PACRG: variants seen among roughly 807,000 people sequenced by gnomAD.
PACRG encodes the protein parkin coregulated gene protein.
Under a neutral mutation model 29.7 loss-of-function variants are expected in PACRG, and 29 were observed. That is an observed-to-expected ratio of 0.98 (90% confidence interval 0.73 to 1.33). The LOEUF is 1.33. Among genes scored for constraint, PACRG ranks in the 40% most tolerant of loss-of-function variants. The probability of loss-of-function intolerance (pLI) is 0.00; values close to 1 mark genes in which losing one functional copy is unlikely to be tolerated. For synonymous variants in PACRG, 116 were observed against 118.7 expected (o/e 0.98, Z 0.15); for missense variants, 279 against 316.2 (o/e 0.88, Z 0.89).
intron 4 of PACRG, among the ~76,000 whole-genome samples, chr6:163,301,759 G>A (rs749759716): frequency 7.2e-5 from 11 of 152,202 alleles, no homozygotes; most frequent in Non-Finnish European, 1.6e-4. Flanking sequence ...AGACAAAATA[G>A]CAGCTGCAGT....
At chr6:162,893,016 C>T (rs1041069493) in intron 2 of PACRG, among the ~76,000 whole-genome samples, 15 of 150,906 alleles carry the variant, frequency 9.9e-5, no homozygotes, top group Non-Finnish European at 1.8e-4. Flanking sequence ...TCAGGAGCCT[C>T]GGCCCACATC....
intron 2 of PACRG, among the ~76,000 whole-genome samples, chr6:162,964,250 C>T (rs9456824): frequency 0.16 from 23,687 of 152,114 alleles, 3,242 homozygotes; most frequent in African/African-American, 0.36. Context: ...AAAACTTACT[C>T]TTCTTGTCTA....
At chr6:162,931,426 G>A (rs1451197866) in intron 2 of PACRG, among the ~76,000 whole-genome samples, 1 of 151,766 alleles carries the variant, frequency 6.6e-6, no homozygotes, top group African/African-American at 2.4e-5. Context: ...TTTTTTCCTA[G>A]GTTTTCTTCT....
At chr6:163,002,133 G>A (rs964026810) in intron 2 of PACRG, among the ~76,000 whole-genome samples, 2 of 152,126 alleles carry the variant, frequency 1.3e-5, no homozygotes, top group African/African-American at 2.4e-5. Flanking sequence ...TTCTTTGGAG[G>A]TAAGAATCTT....
chr6:163,293,267 C>A (rs1261813447), intron 4 of PACRG, among the ~76,000 whole-genome samples: 1 of 152,178 alleles, frequency 6.6e-6, no homozygotes, highest in Non-Finnish European at 1.5e-5. Flanking sequence ...GCAGGGATGG[C>A]AGCATTGCAT....
chr6:163,038,491 A>G (rs1442368501), intron 2 of PACRG, among the ~76,000 whole-genome samples: 2 of 152,192 alleles, frequency 1.3e-5, no homozygotes, highest in Non-Finnish European at 2.9e-5. Context: ...TGGACAAAGT[A>G]TTTTTAGAAG....
chr6:162,948,454 G>T (rs1368470110), intron 2 of PACRG, among the ~76,000 whole-genome samples: 1 of 151,976 alleles, frequency 6.6e-6, no homozygotes, highest in African/African-American at 2.4e-5. Flanking sequence ...AACAGAAGGG[G>T]CAATGCTTCA....
At chr6:163,273,737 C>T (rs1191447179) in intron 4 of PACRG, among the ~76,000 whole-genome samples, 14 of 152,030 alleles carry the variant, frequency 9.2e-5, no homozygotes, top group Admixed American at 1.3e-4. Context: ...GATATTGGCT[C>T]ATATATTTCA....
At chr6:163,135,757 A>G (rs918705763) in intron 4 of PACRG, among the ~76,000 whole-genome samples, 1 of 152,210 alleles carries the variant, frequency 6.6e-6, no homozygotes, top group Admixed American at 6.5e-5. Flanking sequence ...CTACAAGCCC[A>G]GAGGCAGTGT....
chr6:162,967,855 CA>C (rs1801180025), intron 2 of PACRG, among the ~76,000 whole-genome samples: 1 of 152,002 alleles, frequency 6.6e-6, no homozygotes, highest in South Asian at 2.1e-4. Flanking sequence ...ATATGTTCTT[CA>C]AAAATGAGTC....
At position 163,312,191 on chromosome 6, in the gene PACRG, G is replaced by A. The variant is rs553025715; in HGVS notation, c.614-2636G>A. On this transcript the variant is annotated intron_variant, in intron 4 of 4. Transcript: ENST00000366888. ...GGTCCACCTCTTTCATGCCTAGGAG[G>A]AGTTTATCAGCTATAATTTGGGGAG... 2.6e-5 allele frequency among the ~76,000 whole-genome samples: 4 copies of A among 152,262 alleles called. No individual in the cohort carries two copies. In the East Asian group the frequency reaches 5.8e-4, roughly 22 times the overall value.
At chr6:162,986,061 A>G (rs1028284434) in intron 2 of PACRG, among the ~76,000 whole-genome samples, 5 of 152,182 alleles carry the variant, frequency 3.3e-5, no homozygotes, top group Non-Finnish European at 5.9e-5. Flanking sequence ...AAGAAATCAT[A>G]GTTGACACAA....
At chr6:162,970,556 C>T (rs909962369) in intron 2 of PACRG, among the ~76,000 whole-genome samples, 3 of 152,186 alleles carry the variant, frequency 2.0e-5, no homozygotes, top group Non-Finnish European at 2.9e-5. Context: ...CCCACTTTCA[C>T]CCTTCCTCAC....
chr6:163,299,419 G>T (rs6933215), intron 4 of PACRG, among the ~76,000 whole-genome samples: 1 of 152,110 alleles, frequency 6.6e-6, no homozygotes, highest in Non-Finnish European at 1.5e-5. Flanking sequence ...TGACCTGCCC[G>T]CCCTGCCCTG....
Position 162,814,165 on chromosome 6 carries a change from G to T in PACRG, c.175G>T (p.Ala59Ser). The T allele has an allele frequency of 6.2e-7, 1 of 1,611,710 alleles. No individual in the cohort carries two copies. The highest frequency in any genetic ancestry group is 2.2e-5 in the East Asian group (1 of 44,788). ...KNSVVRGPPA[A>S]GAFKERPTKP... ...AATTAAGGTGAGAGGCCCTCCAGCT[G>T]CAGGGGCATTTAAAGAAAGACCAAC... The change falls in exon 2 of 5, where the codon GCA becomes TCA. Residue 59 changes from alanine to serine, a missense_variant. Transcript: ENST00000366888.
chr6:163,311,949 GTC>G (rs149281744), intron 4 of PACRG, among the ~76,000 whole-genome samples: 2,443 of 152,244 alleles, frequency 0.016, 65 homozygotes, highest in African/African-American at 0.056. Flanking sequence ...AGGAAAATAT[GTC>G]TGTCTCCTGG....
chr6:162,960,142 T>G (rs1383789039), intron 2 of PACRG, among the ~76,000 whole-genome samples: 4 of 152,160 alleles, frequency 2.6e-5, no homozygotes, highest in African/African-American at 7.2e-5. Context: ...AAAGAAAGCT[T>G]ATAACACTGT....
chr6:162,950,113 A>G (rs1251186460), intron 2 of PACRG, among the ~76,000 whole-genome samples: 2 of 152,194 alleles, frequency 1.3e-5, no homozygotes, highest in African/African-American at 4.8e-5. Flanking sequence ...GAAAAAAATT[A>G]TCTTTTTCTA....
At chr6:162,776,416 C>T (rs963492807) in intron 1 of PACRG, among the ~76,000 whole-genome samples, 1 of 152,200 alleles carries the variant, frequency 6.6e-6, no homozygotes, top group African/African-American at 2.4e-5. Context: ...AGACTCCAGA[C>T]CCTCACTGTC....
Sources: gnomAD v4.1 joint callset for allele counts (sites outside exome capture counted in the v4.1 genomes callset) on GRCh38, gnomAD v4.1.1 for gene constraint, MANE v1.5 for transcripts, NCBI Gene and HGNC (gene_info 2026-07-23, HGNC 2026-07-21) for gene names.